TMEM65: variants seen among roughly 807,000 people sequenced by gnomAD.
The protein encoded by TMEM65 is transmembrane protein 65.
A neutral mutation model predicts 25.4 loss-of-function variants in TMEM65; 22 were observed. The ratio of observed to expected loss-of-function variants is 0.86; its 90% confidence interval spans 0.62 to 1.23. TMEM65 has a LOEUF of 1.23. Among genes scored for constraint, TMEM65 ranks in the 50% most tolerant of loss-of-function variants. TMEM65 has a pLI of 0.00. For synonymous variants in TMEM65, 132 were observed against 126.2 expected, an observed-to-expected ratio of 1.05 and a Z score of -0.31; for missense variants, 262 against 308.2, an observed-to-expected ratio of 0.85 and a Z score of 1.12.
At chr8:124,361,287 A>T (rs1814855882) in intron 1 of TMEM65, among the ~76,000 whole-genome samples, 2 of 151,782 alleles carry the variant, frequency 1.3e-5, no homozygotes, top group South Asian at 2.1e-4. Context: ...TACAAAAAAT[A>T]AGCTGGGCGT....
At chr8:124,351,938 T>C (rs1278695938) in intron 1 of TMEM65, among the ~76,000 whole-genome samples, 2 of 152,264 alleles carry the variant, frequency 1.3e-5, no homozygotes, top group East Asian at 3.8e-4. Flanking sequence ...TTATCTCTTT[T>C]GGTCCATTTC....
In TMEM65 at chr8:124,308,862, T is replaced by A. The variant is rs971712052; in HGVS notation, c.*5098A>T. The A allele has an allele frequency of 6.6e-6, 1 of 152,204 alleles. No individual in the cohort carries two copies. Among genetic ancestry groups the A allele is most frequent in the Admixed American group, 6.5e-5 (1 of 15,280 alleles). The allele number at this position is 152,204 out of a possible 1,614,324, so 9.4% of individuals were successfully genotyped here. Reference sequence around the variant, plus strand: ...AAGCAAATGGTGGAAGAAGGATTAATACCATATATAGAAATATTTTGAGAA... The same window carrying A: ...AAGCAAATGGTGGAAGAAGGATTAAAACCATATATAGAAATATTTTGAGAA... On this transcript the variant is annotated 3_prime_UTR_variant, in exon 7 of 7. Transcript: ENST00000297632.
rs187120146 is a variant in TMEM65, at chr8:124,358,785, G to A, written c.304+13069C>T. On this transcript the variant is annotated intron_variant, in intron 1 of 6. Coordinates refer to ENST00000297632, the MANE Select transcript of TMEM65 (RefSeq NM_194291.3). Reference sequence around the variant, plus strand: ...GGTGTCAGAAGTGCGATCCAAAGTCGAGCTCCCAGCAACCCCCAGAAACAA... The same window carrying A: ...GGTGTCAGAAGTGCGATCCAAAGTCAAGCTCCCAGCAACCCCCAGAAACAA... Among the ~76,000 whole-genome samples the A allele has an allele frequency of 1.7e-4, 26 of 152,210 alleles. No homozygotes were observed. In the East Asian group the frequency reaches 2.9e-3, roughly 17 times the overall value.
At chr8:124,356,250 A>T (rs886691580) in intron 1 of TMEM65, among the ~76,000 whole-genome samples, 6 of 152,248 alleles carry the variant, frequency 3.9e-5, no homozygotes, top group African/African-American at 1.4e-4. Context: ...AAGGCTATAT[A>T]AGTATGTGGG....
At position 124,309,561 on chromosome 8, in the gene TMEM65, GA is replaced by G. The variant is rs1814131145; in HGVS notation, c.*4398del. Reference sequence around the variant, plus strand: ...AGTGAAACATATTTCACATATCTGAGATTTTCTTAACACCAACTTTCTAGTA... The same window carrying G: ...AGTGAAACATATTTCACATATCTGAGTTTTCTTAACACCAACTTTCTAGTA... On this transcript the variant is annotated 3_prime_UTR_variant, in exon 7 of 7. Coordinates refer to ENST00000297632, the MANE Select transcript of TMEM65 (RefSeq NM_194291.3). 6.6e-6 allele frequency: 1 copy of G among 152,168 alleles called. No individual in the cohort carries two copies. Among genetic ancestry groups the G allele is most frequent in the South Asian group, 2.1e-4 (1 of 4,830 alleles). The allele number at this position is 152,168 out of a possible 1,614,324, so 9.4% of individuals were successfully genotyped here. A position where few individuals can be genotyped will look rare whatever the true frequency, so the allele number is the denominator to read the frequency against.
At chr8:124,347,979 C>T (rs1814659285) in intron 1 of TMEM65, among the ~76,000 whole-genome samples, 1 of 151,526 alleles carries the variant, frequency 6.6e-6, no homozygotes, top group African/African-American at 2.4e-5. Flanking sequence ...CAACCTCTGC[C>T]TCCCAGGTTC....
At chr8:124,314,864 A>G (rs754033337) in intron 6 of TMEM65, among the ~76,000 whole-genome samples, 4 of 151,506 alleles carry the variant, frequency 2.6e-5, no homozygotes, top group Non-Finnish European at 5.9e-5. Flanking sequence ...TTGTAGAGCC[A>G]GGGTCTCCCT....
intron 1 of TMEM65, among the ~76,000 whole-genome samples, chr8:124,363,886 G>A (rs986747074): frequency 2.8e-5 from 4 of 140,740 alleles, no homozygotes. Context: ...ATCAACAACT[G>A]CACAGATTCT....
chr8:124,324,162 A>C (rs1814338601), intron 3 of TMEM65, among the ~76,000 whole-genome samples: 1 of 152,136 alleles, frequency 6.6e-6, no homozygotes, highest in Non-Finnish European at 1.5e-5. Flanking sequence ...AATTTTCAAG[A>C]GTTCTCTTGA....
At chr8:124,367,162 G>C (rs1350499935) in intron 1 of TMEM65, among the ~76,000 whole-genome samples, 1 of 152,042 alleles carries the variant, frequency 6.6e-6, no homozygotes, top group African/African-American at 2.4e-5. Context: ...ATCCATTCCA[G>C]AGGCTCATAG....
intron 1 of TMEM65, among the ~76,000 whole-genome samples, chr8:124,342,581 ATTG>A (rs1365938623): frequency 2.0e-5 from 3 of 152,150 alleles, no homozygotes; most frequent in Non-Finnish European, 4.4e-5. Flanking sequence ...GATAAATAAA[ATTG>A]TTATTTAAAA....
intron 1 of TMEM65, among the ~76,000 whole-genome samples, chr8:124,342,535 ACC>A (rs1246986758): frequency 6.6e-6 from 1 of 152,136 alleles, no homozygotes; most frequent in Non-Finnish European, 1.5e-5. Context: ...ATCTATGATA[ACC>A]TATATAATAA....
Position 124,306,652 on chromosome 8 carries a change from T to C in TMEM65, c.*7308A>G, listed in dbSNP as rs1032585966. The C allele has an allele frequency of 6.6e-6, 1 of 152,138 alleles. No homozygotes were observed. Among genetic ancestry groups the C allele is most frequent in the African/African-American group, 2.4e-5 (1 of 41,440 alleles). The allele number at this position is 152,138 out of a possible 1,614,324, so 9.4% of individuals were successfully genotyped here. Reference sequence around the variant, plus strand: ...ACCATAAATATATACAAATCTATTATGAAAAGTTAAAATTGGCCGGGCGCA... The same window carrying C: ...ACCATAAATATATACAAATCTATTACGAAAAGTTAAAATTGGCCGGGCGCA... On this transcript the variant is annotated 3_prime_UTR_variant, in exon 7 of 7. Transcript: ENST00000297632.
At chr8:124,361,876 AT>A (rs994803922) in intron 1 of TMEM65, among the ~76,000 whole-genome samples, 4 of 149,772 alleles carry the variant, frequency 2.7e-5, no homozygotes, top group South Asian at 2.1e-4. Flanking sequence ...AAAAAGCAAG[AT>A]TTTTTTTGTC....
intron 1 of TMEM65, among the ~76,000 whole-genome samples, chr8:124,360,130 A>T (rs1361178783): frequency 6.6e-6 from 1 of 151,998 alleles, no homozygotes; most frequent in East Asian, 1.9e-4. Context: ...AGAAATTTAC[A>T]TCTATAAAAA....
chr8:124,315,092 T>G (rs892995680), intron 6 of TMEM65, among the ~76,000 whole-genome samples: 1 of 152,186 alleles, frequency 6.6e-6, no homozygotes, highest in African/African-American at 2.4e-5. Context: ...CAAATATTTA[T>G]TGAGAAGCTA....
intron 1 of TMEM65, among the ~76,000 whole-genome samples, chr8:124,368,452 G>A (rs1047613537): frequency 6.6e-6 from 1 of 152,046 alleles, no homozygotes; most frequent in Non-Finnish European, 1.5e-5. Context: ...CACACCTTCT[G>A]TAGTACTCTC....
At chr8:124,366,245 C>A (rs1295159711) in intron 1 of TMEM65, among the ~76,000 whole-genome samples, 1 of 152,188 alleles carries the variant, frequency 6.6e-6, no homozygotes, top group Non-Finnish European at 1.5e-5. Context: ...AAAACTAATA[C>A]AAAGTCTTAC....
At chr8:124,340,161 A>G (rs1486376926) in intron 1 of TMEM65, among the ~76,000 whole-genome samples, 1 of 152,216 alleles carries the variant, frequency 6.6e-6, no homozygotes, top group Non-Finnish European at 1.5e-5. Context: ...TCCACTGGCC[A>G]GAAAAACAAT....
Sources: gnomAD v4.1 joint callset for allele counts (sites outside exome capture counted in the v4.1 genomes callset) on GRCh38, gnomAD v4.1.1 for gene constraint, MANE v1.5 for transcripts, NCBI Gene and HGNC (gene_info 2026-07-23, HGNC 2026-07-21) for gene names.